The following SAMMSON variants were observed in gnomAD, a reference collection of about 807,000 sequenced individuals.
SAMMSON encodes long intergenic non-protein coding RNA 1212.
chr3:70,408,720 C>T (rs1182898053), intron 2 of SAMMSON, among the ~76,000 whole-genome samples: 2 of 152,110 alleles, frequency 1.3e-5, no homozygotes, highest in African/African-American at 2.4e-5. Flanking sequence ...TTCTCCTGAG[C>T]CCCCCAAACT....
intron 4 of SAMMSON, among the ~76,000 whole-genome samples, chr3:70,247,201 G>A (rs1701715753): frequency 1.3e-5 from 2 of 151,844 alleles, no homozygotes; most frequent in South Asian, 4.2e-4. Context: ...TGTGTTTTCA[G>A]ACATAATGGT....
At position 70,023,850 on chromosome 3, in the gene SAMMSON, T is replaced by C. The variant is rs116740342; in HGVS notation, n.417+10178T>C. ...GCCAAATTTGGACTGCAAGCCATAG[T>C]TTGCCAACCTGTTATTGAGTCTTAC... On this transcript the variant is annotated intron_variant and non_coding_transcript_variant, in intron 3 of 9. Transcript: ENST00000642114. Among the ~76,000 whole-genome samples the C allele has an allele frequency of 1.8e-3, 268 of 152,330 alleles. 3 individuals carry two copies. Among genetic ancestry groups the C allele is most frequent in the African/African-American group, 6.2e-3 (257 of 41,580 alleles).
At chr3:70,289,363 T>C (rs1392662312) in intron 6 of SAMMSON, among the ~76,000 whole-genome samples, 33 of 151,076 alleles carry the variant, frequency 2.2e-4, no homozygotes, top group African/African-American at 7.0e-4. Flanking sequence ...AAAATTCTTT[T>C]CTTTAAGAAT....
intron 4 of SAMMSON, among the ~76,000 whole-genome samples, chr3:70,233,879 A>G (rs1032997745): frequency 3.3e-5 from 5 of 152,200 alleles, no homozygotes; most frequent in African/African-American, 1.2e-4. Context: ...CAGTTTATCT[A>G]TCCACCCAAT....
chr3:70,008,568 G>C (rs373375116), intron 1 of SAMMSON, among the ~76,000 whole-genome samples: 3 of 152,110 alleles, frequency 2.0e-5, no homozygotes, highest in Non-Finnish European at 4.4e-5. Flanking sequence ...TAGATATACA[G>C]TCATGTCATC....
At chr3:70,373,063 A>G (rs549096660) in intron 9 of SAMMSON, among the ~76,000 whole-genome samples, 1 of 152,294 alleles carries the variant, frequency 6.6e-6, no homozygotes, top group Non-Finnish European at 1.5e-5. Flanking sequence ...TGTATTACCC[A>G]CATTTTACTT....
At chr3:70,251,267 T>C (rs191231817) in intron 6 of SAMMSON, among the ~76,000 whole-genome samples, 4 of 152,362 alleles carry the variant, frequency 2.6e-5, no homozygotes, top group Admixed American at 1.3e-4. Context: ...TCATTTCTAA[T>C]ATCTGAGTTC....
intron 2 of SAMMSON, among the ~76,000 whole-genome samples, chr3:70,399,657 G>T (rs1243947082): frequency 6.6e-6 from 1 of 152,066 alleles, no homozygotes; most frequent in Non-Finnish European, 1.5e-5. Context: ...CCTGAGGTCA[G>T]GAGTTTGAGA....
At chr3:70,195,184 C>A (rs1701163692) in intron 4 of SAMMSON, among the ~76,000 whole-genome samples, 1 of 152,146 alleles carries the variant, frequency 6.6e-6, no homozygotes, top group Non-Finnish European at 1.5e-5. Flanking sequence ...ATAAGAACAG[C>A]CTTATGTTCC....
chr3:70,263,998 A>G (rs1359226738), intron 6 of SAMMSON, among the ~76,000 whole-genome samples: 1 of 152,200 alleles, frequency 6.6e-6, no homozygotes, highest in Non-Finnish European at 1.5e-5. Flanking sequence ...CTACTCTGTC[A>G]TGACTGGAAG....
chr3:70,213,231 C>T (rs1553645871), intron 4 of SAMMSON, among the ~76,000 whole-genome samples: 1 of 152,110 alleles, frequency 6.6e-6, no homozygotes, highest in Non-Finnish European at 1.5e-5. Context: ...CCTCAGCCTC[C>T]TGAGTAGATC....
chr3:70,041,207 G>A (rs1370910781), intron 3 of SAMMSON, among the ~76,000 whole-genome samples: 1 of 152,070 alleles, frequency 6.6e-6, no homozygotes, highest in East Asian at 1.9e-4. Flanking sequence ...CGCATTTGTG[G>A]AATTTCCAAA....
intron 1 of SAMMSON, among the ~76,000 whole-genome samples, chr3:70,012,128 C>A (rs1468302748): frequency 1.3e-5 from 2 of 152,056 alleles, no homozygotes; most frequent in African/African-American, 4.8e-5. Flanking sequence ...TGACTCCAAA[C>A]TGAAATCATG....
intron 7 of SAMMSON, among the ~76,000 whole-genome samples, chr3:70,320,743 C>T (rs60015196): frequency 0.1 from 15,898 of 152,072 alleles, 1,285 homozygotes; most frequent in East Asian, 0.47. Flanking sequence ...CAATCCAATC[C>T]TCTCCCAAAA....
rs568552382 is a variant in SAMMSON at position 70,132,007 on chromosome 3, T to G, written n.507+60442T>G. 2.0e-5 allele frequency among the ~76,000 whole-genome samples: 3 copies of G among 152,294 alleles called. No homozygotes were observed. The East Asian group carries it at 5.8e-4, about 29-fold the overall frequency. ...CCCAAATGACTGAAAGGACCCCCTC[T>G]TGGCCAAGGGGACCCTAGAGAAACC... On this transcript the variant is annotated intron_variant and non_coding_transcript_variant, in intron 4 of 9. Coordinates refer to ENST00000642114, the Ensembl canonical transcript of SAMMSON.
intron 6 of SAMMSON, among the ~76,000 whole-genome samples, chr3:70,285,796 C>A (rs943915620): frequency 2.6e-5 from 4 of 152,158 alleles, no homozygotes; most frequent in African/African-American, 9.7e-5. Context: ...ATTTGCATTT[C>A]TCTGATGTCC....
intron 6 of SAMMSON, among the ~76,000 whole-genome samples, chr3:70,253,737 A>G (rs1701790353): frequency 6.6e-6 from 1 of 152,180 alleles, no homozygotes; most frequent in South Asian, 2.1e-4. Context: ...AAAAGTAAAA[A>G]TACAAATAAA....
intron 3 of SAMMSON, among the ~76,000 whole-genome samples, chr3:70,027,030 C>G (rs1355594992): frequency 6.6e-6 from 1 of 152,120 alleles, no homozygotes; most frequent in Non-Finnish European, 1.5e-5. Context: ...AAAATGGGTT[C>G]TTTAAAACCA....
At chr3:70,256,202 C>A (rs1031105576) in intron 6 of SAMMSON, among the ~76,000 whole-genome samples, 3 of 152,092 alleles carry the variant, frequency 2.0e-5, no homozygotes, top group African/African-American at 4.8e-5. Context: ...AACATTAAAA[C>A]TTTAGTTGTA....
Sources: allele counts gnomAD v4.1 joint callset (sites outside exome capture counted in the v4.1 genomes callset), GRCh38; gene constraint gnomAD v4.1.1; transcripts MANE v1.5; gene names NCBI Gene and HGNC (gene_info 2026-07-23, HGNC 2026-07-21).